SPPL3: variants seen among roughly 807,000 people sequenced by gnomAD.
SPPL3 encodes the protein signal peptide peptidase like 3.
A neutral mutation model predicts 42.4 loss-of-function variants in SPPL3; 5 were observed. That is an observed-to-expected ratio of 0.12 (90% CI 0.06 to 0.25). SPPL3 has a LOEUF of 0.25. SPPL3 is among the 10% of genes least tolerant of loss of function. The pLI is 1.00. For synonymous variants in SPPL3, 195 were observed against 181.8 expected (o/e 1.07, Z -0.58); for missense variants, 235 against 489.0 (o/e 0.48, Z 4.90).
intron 1 of SPPL3, among the ~76,000 whole-genome samples, chr12:120,890,543 C>T (rs547668870): frequency 7.0e-6 from 1 of 143,798 alleles, no homozygotes; most frequent in Non-Finnish European, 1.5e-5. Flanking sequence ...AAGCAGAGAT[C>T]GCGCCATTGT....
At chr12:120,888,938 T>A (rs547369340) in intron 1 of SPPL3, among the ~76,000 whole-genome samples, 1 of 151,860 alleles carries the variant, frequency 6.6e-6, no homozygotes, top group Non-Finnish European at 1.5e-5. Context: ...GCCTCCCGAG[T>A]AAATAGCTGG....
At chr12:120,766,021 T>C (rs1381458046) in intron 10 of SPPL3, among the ~76,000 whole-genome samples, 5 of 151,900 alleles carry the variant, frequency 3.3e-5, no homozygotes, top group Admixed American at 6.6e-5. Context: ...GGTGGTGTAG[T>C]GGTCTAGCTC....
chr12:120,903,578 CCAT>C, intron 1 of SPPL3: 1 of 445,812 alleles, frequency 2.2e-6, no homozygotes, highest in Non-Finnish European at 4.0e-6. Context: ...CTCCCCTTCT[CCAT>C]CACCTGCTCC....
At chr12:120,869,754 G>A (rs1225030429) in intron 1 of SPPL3, among the ~76,000 whole-genome samples, 1 of 152,152 alleles carries the variant, frequency 6.6e-6, no homozygotes, top group Non-Finnish European at 1.5e-5. Flanking sequence ...CAGAAAAGTA[G>A]TTATGAAAAT....
intron 1 of SPPL3, among the ~76,000 whole-genome samples, chr12:120,894,730 G>A (rs1341268071): frequency 6.6e-6 from 1 of 152,126 alleles, no homozygotes; most frequent in Admixed American, 6.5e-5. Flanking sequence ...TGGATCACCT[G>A]AGGTCGGGAG....
intron 1 of SPPL3, among the ~76,000 whole-genome samples, chr12:120,845,903 T>TATCC (rs1233218361): frequency 1.3e-5 from 2 of 151,910 alleles, no homozygotes; most frequent in African/African-American, 4.8e-5. Context: ...TCTATCTATC[T>TATCC]ATCTATTTTT....
At chr12:120,804,719 T>C (rs1218517318) in intron 2 of SPPL3, among the ~76,000 whole-genome samples, 1 of 152,152 alleles carries the variant, frequency 6.6e-6, no homozygotes, top group Non-Finnish European at 1.5e-5. Context: ...AGAGTTACCA[T>C]TAGACCCAGC....
At chr12:120,816,285 CTTAAG>C (rs1870873051) in intron 1 of SPPL3, among the ~76,000 whole-genome samples, 1 of 152,190 alleles carries the variant, frequency 6.6e-6, no homozygotes, top group African/African-American at 2.4e-5. Context: ...TTTCTTCTAA[CTTAAG>C]TTTTGTTTTA....
chr12:120,901,489 G>A (rs914211639), intron 1 of SPPL3, among the ~76,000 whole-genome samples: 1 of 151,372 alleles, frequency 6.6e-6, no homozygotes, highest in African/African-American at 2.4e-5. Flanking sequence ...TACTCGGGAG[G>A]CTGAGGCATA....
At chr12:120,887,687 A>G (rs1873506638) in intron 1 of SPPL3, among the ~76,000 whole-genome samples, 1 of 152,238 alleles carries the variant, frequency 6.6e-6, no homozygotes, top group Non-Finnish European at 1.5e-5. Context: ...TAGTTGACTA[A>G]AACAGAGGTT....
chr12:120,877,305 T>A (rs1251676303), intron 1 of SPPL3, among the ~76,000 whole-genome samples: 2 of 152,004 alleles, frequency 1.3e-5, no homozygotes, highest in Admixed American at 6.6e-5. Flanking sequence ...AAGAAAGAAT[T>A]ATCAATTCTA....
intron 3 of SPPL3, 80 bp downstream of exon 3, chr12:120,791,389 A>T: frequency 1.1e-6 from 1 of 931,788 alleles, no homozygotes; most frequent in Non-Finnish European, 1.6e-6. Flanking sequence ...TGAACCCAGT[A>T]AATTATTAAC....
chr12:120,895,412 A>G (rs1445178266), intron 1 of SPPL3, among the ~76,000 whole-genome samples: 1 of 149,410 alleles, frequency 6.7e-6, no homozygotes, highest in Non-Finnish European at 1.5e-5. Context: ...GGGTGACAAG[A>G]GCGAAACTCC....
intron 1 of SPPL3, among the ~76,000 whole-genome samples, chr12:120,813,072 G>C (rs1870735034): frequency 6.6e-6 from 1 of 152,038 alleles, no homozygotes; most frequent in Non-Finnish European, 1.5e-5. Context: ...AAAAGTGCAG[G>C]GAAAAGAACG....
At chr12:120,803,341 G>C (rs1870386135) in intron 2 of SPPL3, among the ~76,000 whole-genome samples, 1 of 151,910 alleles carries the variant, frequency 6.6e-6, no homozygotes, top group Non-Finnish European at 1.5e-5. Flanking sequence ...CTCTGAAATC[G>C]GGCAGTGAAG....
rs1438090630 is a variant in SPPL3, at chr12:120,763,828, A to T, written c.*1171T>A. On this transcript the variant is annotated 3_prime_UTR_variant, in exon 11 of 11. Coordinates refer to ENST00000353487, the MANE Select transcript of SPPL3 (RefSeq NM_139015.5). ...TTTTCCTTTTTTTTTTTCTTAAAGG[A>T]GTGAGGGCATGGAAAATATACAGCA... 8 of 147,852 alleles carry T rather than the reference A, an allele frequency of 5.4e-5. No individual in the cohort carries two copies. The highest frequency in any genetic ancestry group is 1.2e-4 in the Non-Finnish European group (8 of 67,050). The allele number at this position is 147,852 out of a possible 1,614,324, so 9.2% of individuals were successfully genotyped here.
intron 1 of SPPL3, among the ~76,000 whole-genome samples, chr12:120,875,017 C>T (rs1484402709): frequency 6.6e-6 from 1 of 152,158 alleles, no homozygotes; most frequent in Non-Finnish European, 1.5e-5. Flanking sequence ...TTCCGGCCAA[C>T]AGACTAAGCT....
chr12:120,767,447 C>A lies in SPPL3; in HGVS notation c.920G>T (p.Gly307Val). 6.2e-7 allele frequency: 1 copy of A among 1,613,986 alleles called. No individual in the cohort carries two copies. The highest frequency in any genetic ancestry group is 8.5e-7 in the Non-Finnish European group (1 of 1,180,022). The change falls in exon 9 of 11, where the codon GGG (glycine) becomes GTG (valine). Residue 307 changes from glycine (G) to valine (V), a missense_variant. Transcript: ENST00000353487. Reference protein sequence around the residue: ...CGAPGPANISGRMQKVSYFHC... With the variant: ...CGAPGPANISVRMQKVSYFHC... ...AAAGTAGGAGACCTTCTGCATGCGC[C>A]CGGAGATGTTGGCAGGTCCAGGGGC...
In SPPL3 at chr12:120,904,103, C is replaced by CCCG. The variant is rs1874079078; in HGVS notation, c.-239_-237dup. On this transcript the variant is annotated 5_prime_UTR_variant, in exon 1 of 11. Transcript: ENST00000353487. Reference sequence around the variant, plus strand: ...CGGGCTCCGCTCTCGGCCTCCCTCACCCGCGGCGGCGGCGGCGGCTCCGCT... The same window carrying CCCG: ...CGGGCTCCGCTCTCGGCCTCCCTCACCCGCCGCGGCGGCGGCGGCGGCTCCGCT... The CCCG allele has an allele frequency of 1.3e-5, 4 of 313,884 alleles. No individual in the cohort carries two copies. 19.4% of individuals were successfully genotyped at this position (313,884 alleles called of 1,614,324 possible). A position where few individuals can be genotyped will look rare whatever the true frequency, so the allele number is the denominator to read the frequency against.
Sources: allele counts gnomAD v4.1 joint callset (sites outside exome capture counted in the v4.1 genomes callset), GRCh38; gene constraint gnomAD v4.1.1; transcripts MANE v1.5; gene names NCBI Gene and HGNC (gene_info 2026-07-23, HGNC 2026-07-21).